CTDSPL: variants seen among roughly 807,000 people sequenced by gnomAD.
CTDSPL encodes the protein CTD small phosphatase like, also known as CTD small phosphatase-like protein.
A neutral mutation model predicts 30.5 loss-of-function variants in CTDSPL; 8 were observed. The observed-to-expected ratio is 0.26, with a 90% CI of 0.15 to 0.47. The LOEUF (loss-of-function observed/expected upper bound fraction) is 0.47. CTDSPL is among the 20% of genes least tolerant of loss of function. The pLI is 0.99. For synonymous variants in CTDSPL, 110 were observed against 137.9 expected (o/e 0.80, Z 1.42); for missense variants, 248 against 366.1 (o/e 0.68, Z 2.63).
chr3:37,956,277 T>A (rs1699172346), intron 2 of CTDSPL, among the ~76,000 whole-genome samples: 1 of 152,218 alleles, frequency 6.6e-6, no homozygotes, highest in Non-Finnish European at 1.5e-5. Flanking sequence ...TCATTATCAC[T>A]GTAACCCTCT....
chr3:37,927,777 C>T (rs1698802654), intron 1 of CTDSPL, among the ~76,000 whole-genome samples: 1 of 150,284 alleles, frequency 6.7e-6, no homozygotes, highest in Non-Finnish European at 1.5e-5. Flanking sequence ...CATTGTTGTA[C>T]AGCAAATCTC....
intron 1 of CTDSPL, among the ~76,000 whole-genome samples, chr3:37,899,207 A>G (rs1448546370): frequency 6.6e-6 from 1 of 152,232 alleles, no homozygotes; most frequent in Non-Finnish European, 1.5e-5. Context: ...ACCTACAAGC[A>G]TATAGATGAT....
chr3:37,880,085 T>G, intron 1 of CTDSPL, among the ~76,000 whole-genome samples: 1 of 149,664 alleles, frequency 6.7e-6, no homozygotes, highest in East Asian at 1.9e-4. Flanking sequence ...GAAGCTATCA[T>G]GTTTTTATGA....
rs117063557 is a variant in CTDSPL, at chr3:37,889,816, A to G, written c.79+27538A>G. Among the ~76,000 whole-genome samples the G allele has an allele frequency of 2.8e-4, 43 of 152,350 alleles. No homozygotes were observed. The East Asian group carries it at 7.9e-3, about 28-fold the overall frequency. On this transcript the variant is annotated intron_variant, in intron 1 of 7. Transcript: ENST00000273179. ...AATGCTATCAGGTTTTTAAACATCA[A>G]TACTGAAAGCTAGAAGACAGAATAA... is the stretch of plus-strand genomic sequence containing the variant.
chr3:37,905,428 G>A (rs1019888703), intron 1 of CTDSPL, among the ~76,000 whole-genome samples: 2 of 152,330 alleles, frequency 1.3e-5, no homozygotes, highest in East Asian at 3.9e-4. Flanking sequence ...AGTTTTAAAA[G>A]ACTTGGAAGA....
chr3:37,982,782 C>G lies in CTDSPL; in HGVS notation c.*1915C>G. ...CAGTTACATGGTAGAACTGCCCATG[C>G]CACAAATATTTATTTGGAAAAGTAG... On this transcript the variant is annotated 3_prime_UTR_variant, in exon 8 of 8. Transcript: ENST00000273179. 2.7e-6 allele frequency: 1 copy of G among 375,912 alleles called. No homozygotes were observed. The highest frequency in any genetic ancestry group is 1.9e-5 in the South Asian group (1 of 51,890). The allele number at this position is 375,912 out of a possible 1,614,324, so 23.3% of individuals were successfully genotyped here. A position where few individuals can be genotyped will look rare whatever the true frequency, so the allele number is the denominator to read the frequency against.
chr3:37,922,238 GAA>G lies in CTDSPL; in HGVS notation c.80-24809_80-24808del, dbSNP rs929624159. 1.5e-3 allele frequency among the ~76,000 whole-genome samples: 213 copies of G among 144,684 alleles called. 1 individual carries two copies. Among genetic ancestry groups the G allele is most frequent in the African/African-American group, 5.0e-3 (199 of 39,672 alleles). The allele number at this position is 144,684 out of a possible 152,430, so 94.9% of individuals were successfully genotyped here. A position where few individuals can be genotyped will look rare whatever the true frequency, so the allele number is the denominator to read the frequency against. ...CAACAGAGCAAGACTCTGTCTCAAG[GAA>G]AAAAAAAAAGAGTACCCACACAGAG... On this transcript the variant is annotated intron_variant, in intron 1 of 7. Transcript: ENST00000273179.
At chr3:37,885,426 T>C (rs919571718) in intron 1 of CTDSPL, among the ~76,000 whole-genome samples, 11 of 152,156 alleles carry the variant, frequency 7.2e-5, no homozygotes, top group African/African-American at 2.7e-4. Flanking sequence ...GGAATTCTTT[T>C]GGAGAAGAAG....
Position 37,975,986 on chromosome 3 carries a change from G to C in CTDSPL, c.705+92G>C, listed in dbSNP as rs1162207944. 1.5e-6 allele frequency: 2 copies of C among 1,332,778 alleles called. No individual in the cohort carries two copies. The highest frequency in any genetic ancestry group is 2.9e-5 in the African/African-American group (2 of 68,408). The allele number at this position is 1,332,778 out of a possible 1,614,324, so 82.6% of individuals were successfully genotyped here. On this transcript the variant is annotated intron_variant, in intron 7 of 7. Transcript: ENST00000273179. The surrounding 1 kb of genome is among the most constrained non-coding windows in gnomAD (Gnocchi z 4.9). ...CACTTTTGAGCACCTACACAAGAAG[G>C]TCTCTGGGCCTTTTCCTAATGAAAT...
intron 1 of CTDSPL, among the ~76,000 whole-genome samples, chr3:37,940,541 G>A (rs376916763): frequency 6.7e-6 from 1 of 150,190 alleles, no homozygotes; most frequent in African/African-American, 2.4e-5. Flanking sequence ...TATTTCTTAC[G>A]AGGTGCAAAG....
Position 37,984,307 on chromosome 3 carries a change from T to C in CTDSPL, c.*3440T>C. 2.2e-6 allele frequency: 1 copy of C among 456,814 alleles called. No homozygotes were observed. The highest frequency in any genetic ancestry group is 4.4e-6 in the Non-Finnish European group (1 of 226,992). The allele number at this position is 456,814 out of a possible 1,614,324, so 28.3% of individuals were successfully genotyped here. ...CCCGGGTAGTGGAGATGCTGGTGTC[T>C]GGGTAGTCATGGATTTCTGCTGGAC... On this transcript the variant is annotated 3_prime_UTR_variant, in exon 8 of 8. Coordinates refer to ENST00000273179, the MANE Select transcript of CTDSPL (RefSeq NM_001008392.2).
chr3:37,871,719 CT>C (rs1321971273), intron 1 of CTDSPL, among the ~76,000 whole-genome samples: 1 of 152,174 alleles, frequency 6.6e-6, no homozygotes, highest in Non-Finnish European at 1.5e-5. Context: ...TGCTCTTTCT[CT>C]TCTCCTTCTG....
At chr3:37,948,759 A>T (rs1168718612) in intron 2 of CTDSPL, among the ~76,000 whole-genome samples, 1 of 152,106 alleles carries the variant, frequency 6.6e-6, no homozygotes, top group Non-Finnish European at 1.5e-5. Flanking sequence ...AACATGTTTA[A>T]TAATGGAAGA....
At chr3:37,952,526 G>T (rs1008157467) in intron 2 of CTDSPL, among the ~76,000 whole-genome samples, 2 of 152,220 alleles carry the variant, frequency 1.3e-5, no homozygotes, top group Admixed American at 6.5e-5. Flanking sequence ...CCCTTTTATG[G>T]AAAGTAAATG....
intron 1 of CTDSPL, among the ~76,000 whole-genome samples, chr3:37,891,558 T>G (rs1159279484): frequency 1.3e-5 from 2 of 152,260 alleles, no homozygotes; most frequent in East Asian, 3.8e-4. Context: ...TGGAAACTGT[T>G]GTACTGAATT....
At chr3:37,928,078 C>T (rs1698806260) in intron 1 of CTDSPL, among the ~76,000 whole-genome samples, 1 of 152,132 alleles carries the variant, frequency 6.6e-6, no homozygotes, top group Admixed American at 6.6e-5. Context: ...AAATTTATTT[C>T]CTTTTTGAGG....
Position 37,981,714 on chromosome 3 carries a change from A to C in CTDSPL, c.*847A>C. ...TTCTGCTCTCACACTACTGCCATAC[A>C]TTTGTGTTTTTTGTTGTTATTGTTT... is the stretch of plus-strand genomic sequence containing the variant. On this transcript the variant is annotated 3_prime_UTR_variant, in exon 8 of 8. Coordinates refer to ENST00000273179, the MANE Select transcript of CTDSPL (RefSeq NM_001008392.2). 3 of 408,606 alleles carry C rather than the reference A, an allele frequency of 7.3e-6. No homozygotes were observed. The highest frequency in any genetic ancestry group is 5.2e-5 in the South Asian group (3 of 57,240). 25.3% of individuals were successfully genotyped at this position (408,606 alleles called of 1,614,324 possible).
At chr3:37,926,338 C>G (rs1175012439) in intron 1 of CTDSPL, among the ~76,000 whole-genome samples, 1 of 152,202 alleles carries the variant, frequency 6.6e-6, no homozygotes, top group African/African-American at 2.4e-5. Context: ...TCGTAGGTTT[C>G]CAGCCCACAT....
intron 1 of CTDSPL, among the ~76,000 whole-genome samples, chr3:37,869,020 T>C (rs571611221): frequency 3.6e-4 from 55 of 152,106 alleles, no homozygotes; most frequent in Non-Finnish European, 6.2e-4. Context: ...CTAGATTAAG[T>C]CTTCCAATCC....
Sources: gnomAD v4.1 joint callset for allele counts (sites outside exome capture counted in the v4.1 genomes callset) on GRCh38, gnomAD v4.1.1 for gene constraint, Gnocchi (gnomAD v3.1) non-coding constraint, MANE v1.5 for transcripts, NCBI Gene and HGNC (gene_info 2026-07-23, HGNC 2026-07-21) for gene names.